The following DTNA variants were observed in gnomAD, a reference collection of about 807,000 sequenced individuals.
DTNA encodes dystrophin-related protein 3.
A neutral mutation model predicts 100.7 loss-of-function variants in DTNA; 43 were observed. The observed-to-expected ratio is 0.43, with a 90% CI of 0.33 to 0.55. The LOEUF (loss-of-function observed/expected upper bound fraction) is 0.55. DTNA is among the 20% of genes least tolerant of loss of function. The pLI, the probability that DTNA is intolerant of heterozygous loss-of-function variation, is 0.04. For synonymous variants in DTNA, 349 were observed against 347.9 expected, an observed-to-expected ratio of 1.00 and a Z score of -0.04; for missense variants, 798 against 953.9, an observed-to-expected ratio of 0.84 and a Z score of 2.15.
intron 22 of DTNA, among the ~76,000 whole-genome samples, chr18:34,886,863 C>T (rs1286159742): frequency 6.6e-6 from 1 of 152,210 alleles, no homozygotes; most frequent in Non-Finnish European, 1.5e-5. Flanking sequence ...GCAGCTGGTT[C>T]TATCCTATTG....
intron 1 of DTNA, among the ~76,000 whole-genome samples, chr18:34,525,589 G>C (rs2042539919): frequency 6.6e-6 from 1 of 152,064 alleles, no homozygotes; most frequent in African/African-American, 2.4e-5. Context: ...TTGTCCATCA[G>C]GTTTTTCTCT....
At chr18:34,588,178 C>T (rs909485753) in intron 1 of DTNA, among the ~76,000 whole-genome samples, 2 of 152,164 alleles carry the variant, frequency 1.3e-5, no homozygotes, top group Admixed American at 1.3e-4. Context: ...ATGACTATAT[C>T]ATGAAGTGTC....
intron 1 of DTNA, among the ~76,000 whole-genome samples, chr18:34,644,397 G>C (rs1381365264): frequency 6.6e-6 from 1 of 152,098 alleles, no homozygotes; most frequent in Non-Finnish European, 1.5e-5. Flanking sequence ...AAATTGCATA[G>C]CAGCTAGTAA....
intron 1 of DTNA, among the ~76,000 whole-genome samples, chr18:34,502,599 G>C (rs771679433): frequency 6.6e-6 from 1 of 151,966 alleles, no homozygotes; most frequent in South Asian, 2.1e-4. Context: ...ATTTCCTTGA[G>C]ATTTCCTCTT....
rs1214680826 is a variant in DTNA at position 34,610,332 on chromosome 18, T to G, written c.-2+116818T>G. 5.9e-5 allele frequency among the ~76,000 whole-genome samples: 9 copies of G among 152,256 alleles called. No homozygotes were observed. The East Asian group carries it at 1.7e-3, about 29-fold the overall frequency. On this transcript the variant is annotated intron_variant, in intron 1 of 19. Transcript: ENST00000283365. ...TTTCTCTCATGGAAATCTTTTGACATCTAAGGAGACTGAGGCAGGAGAGAT... is the reference window on the plus strand; with the variant it reads ...TTTCTCTCATGGAAATCTTTTGACAGCTAAGGAGACTGAGGCAGGAGAGAT...
At chr18:34,772,572 TA>T (rs74460732) in intron 3 of DTNA, among the ~76,000 whole-genome samples, 100,761 of 152,018 alleles carry the variant, frequency 0.66, 35,428 homozygotes, top group East Asian at 0.9. Context: ...GTGGCAGGAG[TA>T]GCCTTGAGCT....
chr18:34,868,623 T>A (rs2096732930), intron 17 of DTNA: 1 of 985,336 alleles, frequency 1.0e-6, no homozygotes, highest in African/African-American at 1.7e-5. Flanking sequence ...TTATCATAAG[T>A]CTGTGTGGTT....
intron 14 of DTNA, 88 bp from the exon 15 acceptor site, chr18:34,851,743 C>T (rs1055126599): frequency 7.4e-7 from 1 of 1,345,884 alleles, no homozygotes; most frequent in Non-Finnish European, 1.1e-6. Flanking sequence ...TTCCCTCCTC[C>T]TTGTCTGCAT....
At chr18:34,539,383 A>G (rs534114059) in intron 1 of DTNA, among the ~76,000 whole-genome samples, 3 of 152,042 alleles carry the variant, frequency 2.0e-5, no homozygotes, top group Non-Finnish European at 4.4e-5. Context: ...AACTGAAAAC[A>G]AAAAAGTACT....
At chr18:34,530,140 G>T (rs111268409) in intron 1 of DTNA, among the ~76,000 whole-genome samples, 74 of 152,198 alleles carry the variant, frequency 4.9e-4, no homozygotes, top group African/African-American at 1.6e-3. Flanking sequence ...ATACAGATGA[G>T]CTGGTCAGGC....
At chr18:34,661,351 C>T (rs1052137084) in intron 1 of DTNA, among the ~76,000 whole-genome samples, 1 of 152,166 alleles carries the variant, frequency 6.6e-6, no homozygotes, top group Non-Finnish European at 1.5e-5. Context: ...TAGTGTATGC[C>T]TTCCAGCTGC....
intron 22 of DTNA, among the ~76,000 whole-genome samples, chr18:34,885,313 T>C (rs1275702154): frequency 1.3e-5 from 2 of 152,222 alleles, no homozygotes; most frequent in African/African-American, 2.4e-5. Flanking sequence ...GAATACCTGA[T>C]TCAAATCCAT....
At chr18:34,708,366 A>C (rs1281299957), upstream of DTNA, 1 of 152,242 alleles carries the variant, frequency 6.6e-6, no homozygotes, top group Non-Finnish European at 1.5e-5. Context: ...GATTCTTTAC[A>C]GTTCATCTTA....
intron 16 of DTNA, among the ~76,000 whole-genome samples, chr18:34,860,220 G>GTTTTTTTTTTTTT (rs55673388): frequency 1.2e-5 from 1 of 80,280 alleles, no homozygotes; most frequent in Non-Finnish European, 2.4e-5. Context: ...CTAATTTTTT[G>GTTTTTTTTTTTTT]TTTTTTTTTT....
chr18:34,823,672 A>T (rs1468679591), intron 9 of DTNA, among the ~76,000 whole-genome samples: 1 of 152,218 alleles, frequency 6.6e-6, no homozygotes, highest in African/African-American at 2.4e-5. Context: ...TGTCTTGGTC[A>T]TCCTCATTCC....
chr18:34,703,799 G>A (rs944430015), intron 1 of DTNA, among the ~76,000 whole-genome samples: 2 of 152,154 alleles, frequency 1.3e-5, no homozygotes, highest in South Asian at 2.1e-4. Flanking sequence ...TCATTTAAGT[G>A]TATAGAATGA....
intron 3 of DTNA, among the ~76,000 whole-genome samples, chr18:34,785,007 C>T (rs191427353): frequency 2.1e-3 from 314 of 151,658 alleles, no homozygotes; most frequent in African/African-American, 7.4e-3. Flanking sequence ...GATCTTGGCC[C>T]GGTTTCACAC....
At position 34,711,420 on chromosome 18, in the gene DTNA, C is replaced by A. The variant is rs139963958; in HGVS notation, c.-2+975C>A. Reference sequence around the variant, plus strand: ...TTAGCCAGGGGTTTACTTAATGCAACTTCTTTCCTTCCTCTTAGAACAAAG... The same window carrying A: ...TTAGCCAGGGGTTTACTTAATGCAAATTCTTTCCTTCCTCTTAGAACAAAG... On this transcript the variant is annotated intron_variant, in intron 1 of 22. Transcript: ENST00000444659. 3.8e-4 allele frequency among the ~76,000 whole-genome samples: 58 copies of A among 152,296 alleles called. 1 individual carries two copies. In the East Asian group the frequency reaches 5.8e-3, roughly 15 times the overall value.
At chr18:34,689,618 G>A (rs1347919244) in intron 1 of DTNA, among the ~76,000 whole-genome samples, 1 of 152,166 alleles carries the variant, frequency 6.6e-6, no homozygotes, top group Non-Finnish European at 1.5e-5. Flanking sequence ...AGGAGGCATG[G>A]GTGTCAGGGA....
Sources: allele counts gnomAD v4.1 joint callset (sites outside exome capture counted in the v4.1 genomes callset), GRCh38; gene constraint gnomAD v4.1.1; transcripts MANE v1.5; gene names NCBI Gene and HGNC (gene_info 2026-07-23, HGNC 2026-07-21).